Variants in CRYBG1 observed in about 807,000 individuals in gnomAD.
CRYBG1 encodes beta/gamma crystallin domain-containing protein 1.
In CRYBG1, 139 loss-of-function variants were observed where a neutral mutation model predicts 189.2. That is an observed-to-expected ratio of 0.73 (90% confidence interval 0.64 to 0.85). The LOEUF (loss-of-function observed/expected upper bound fraction) is 0.85. Ranked by LOEUF, CRYBG1 falls within the 40% of genes least tolerant of loss-of-function variation. The pLI is 0.00. For synonymous variants in CRYBG1, 1,023 were observed against 1,017.1 expected (o/e 1.01, Z -0.11); for missense variants, 2,611 against 2,675.8 (o/e 0.98, Z 0.53).
chr6:106,463,193 ATCT>A (rs1193141527), intron 2 of CRYBG1, among the ~76,000 whole-genome samples: 2 of 150,692 alleles, frequency 1.3e-5, no homozygotes, highest in African/African-American at 4.8e-5. Flanking sequence ...TTAGTATTAA[ATCT>A]TCTGTCCTGT....
Position 106,558,476 on chromosome 6 carries a change from T to C in CRYBG1, c.5716-10T>C, listed in dbSNP as rs1486949000. 2 of 1,570,756 alleles carry C rather than the reference T, an allele frequency of 1.3e-6. No individual in the cohort carries two copies. Among genetic ancestry groups the C allele is most frequent in the South Asian group, 1.2e-5 (1 of 86,734 alleles). On this transcript the variant is annotated splice_polypyrimidine_tract_variant and intron_variant, in intron 17 of 21. Coordinates refer to ENST00000633556, the MANE Select transcript of CRYBG1 (RefSeq NM_001371242.2). ...ATGAATAACAGAACATTGTTTTTGT[T>C]CCTCAACAGGAATTTTCTGAACCAA...
chr6:106,536,277 T>C (rs1774003131), intron 8 of CRYBG1, among the ~76,000 whole-genome samples: 1 of 152,252 alleles, frequency 6.6e-6, no homozygotes. Context: ...CATATATTTA[T>C]GTTGTATCAC....
intron 1 of CRYBG1, among the ~76,000 whole-genome samples, chr6:106,385,220 T>C (rs1227389118): frequency 1.3e-5 from 2 of 152,180 alleles, no homozygotes; most frequent in Admixed American, 1.3e-4. Context: ...CTTCTGTGTA[T>C]AAGAGAAACG....
At chr6:106,527,789 G>A (rs546296353) in intron 7 of CRYBG1, among the ~76,000 whole-genome samples, 1 of 152,114 alleles carries the variant, frequency 6.6e-6, no homozygotes, top group African/African-American at 2.4e-5. Context: ...TTTATTTAGT[G>A]TTTTTGTTTG....
chr6:106,469,025 C>T (rs1014953059), intron 2 of CRYBG1, among the ~76,000 whole-genome samples: 16 of 152,236 alleles, frequency 1.1e-4, no homozygotes, highest in African/African-American at 3.6e-4. Context: ...CGTTCCATTT[C>T]TCTGTGGTTT....
chr6:106,530,359 T>G (rs1773851570), intron 8 of CRYBG1, 44 bp downstream of exon 8: 2 of 1,580,758 alleles, frequency 1.3e-6, no homozygotes, highest in East Asian at 4.5e-5. Context: ...AGTTTTTTTG[T>G]GAGTGTAGTA....
At chr6:106,511,002 T>C (rs1307527405) in intron 2 of CRYBG1, among the ~76,000 whole-genome samples, 1 of 152,124 alleles carries the variant, frequency 6.6e-6, no homozygotes, top group African/African-American at 2.4e-5. Context: ...GAATGGGCGG[T>C]GTTTCGGGAA....
At chr6:106,499,812 T>G (rs980435268) in intron 2 of CRYBG1, among the ~76,000 whole-genome samples, 1 of 152,154 alleles carries the variant, frequency 6.6e-6, no homozygotes, top group East Asian at 1.9e-4. Flanking sequence ...TTGACCAACA[T>G]CTCTCCAAAC....
chr6:106,427,455 C>T (rs1771246998), intron 1 of CRYBG1, among the ~76,000 whole-genome samples: 1 of 152,108 alleles, frequency 6.6e-6, no homozygotes, highest in African/African-American at 2.4e-5. Context: ...CCTCTTACAC[C>T]CCACCTTCAT....
chr6:106,422,154 T>A (rs1771133748), intron 1 of CRYBG1, among the ~76,000 whole-genome samples: 1 of 152,066 alleles, frequency 6.6e-6, no homozygotes, highest in South Asian at 2.1e-4. Flanking sequence ...CTCTTCTCAT[T>A]AGAATTGGTG....
In CRYBG1 at chr6:106,543,594, G is replaced by C; in HGVS notation, c.5036G>C (p.Gly1679Ala). The C allele has an allele frequency of 1.2e-6, 2 of 1,613,182 alleles. No individual in the cohort carries two copies. The highest frequency in any genetic ancestry group is 4.5e-5 in the East Asian group (2 of 44,872). Residue 1679 changes from glycine (G) to alanine (A), a missense_variant, in exon 11 of 22, where the codon GGC (glycine) becomes GCC (alanine). Physicochemically the swap from Gly to Ala is moderately conservative, Grantham distance 60 (BLOSUM62 0). Transcript: ENST00000633556. ...GTGGGGTCTATGAAAGTTCTAAGAG[G>C]CATGTAAGTACATGGGTGACTTGTT... ...TSVGSMKVLR[G>A]IWVAYEKPGF...
At chr6:106,565,237 C>T (rs1774846426) in intron 21 of CRYBG1, among the ~76,000 whole-genome samples, 1 of 151,752 alleles carries the variant, frequency 6.6e-6, no homozygotes, top group Admixed American at 6.6e-5. Context: ...AGGAGAATCG[C>T]GTCAACCCGG....
chr6:106,468,964 C>A lies in CRYBG1; in HGVS notation c.312+17132C>A, dbSNP rs151179875. Among the ~76,000 whole-genome samples, 390 of 152,320 alleles carry A rather than the reference C, an allele frequency of 2.6e-3. 5 individuals are homozygous for A. Among genetic ancestry groups the A allele is most frequent in the African/African-American group, 8.7e-3 (360 of 41,568 alleles). On this transcript the variant is annotated intron_variant, in intron 2 of 21. Transcript: ENST00000633556. ...TTTTTACAGGATGAATCAGATCCAA[C>A]TACTCCTCTGCATGTAACTTTCCCA... is the stretch of plus-strand genomic sequence containing the variant.
chr6:106,562,115 A>G (rs1774736437), intron 20 of CRYBG1, among the ~76,000 whole-genome samples: 1 of 151,514 alleles, frequency 6.6e-6, no homozygotes, highest in South Asian at 2.1e-4. Context: ...TCTTTAAAAA[A>G]ACAAAACAAA....
intron 2 of CRYBG1, among the ~76,000 whole-genome samples, chr6:106,458,240 C>G (rs1771929436): frequency 6.6e-6 from 1 of 152,204 alleles, no homozygotes; most frequent in African/African-American, 2.4e-5. Context: ...ATCCTGATTG[C>G]ATTGTCAGAA....
rs71663353 is a variant in CRYBG1 at position 106,416,999 on chromosome 6, C to CTTTTTTTTTT, written c.174-34680_174-34671dup. Among the ~76,000 whole-genome samples the CTTTTTTTTTT allele has an allele frequency of 4.7e-4, 33 of 69,490 alleles. 2 individuals are homozygous for CTTTTTTTTTT. Among genetic ancestry groups the CTTTTTTTTTT allele is most frequent in the African/African-American group, 8.3e-4 (13 of 15,694 alleles). 45.6% of individuals were successfully genotyped at this position (69,490 alleles called of 152,430 possible). ...AGAACAAAGGCAATGATGGGATTTA[C>CTTTTTTTTTT]TTTTTTTTTTTTTTTTTTTTTTTTG... On this transcript the variant is annotated intron_variant, in intron 1 of 21. Transcript: ENST00000633556.
intron 8 of CRYBG1, among the ~76,000 whole-genome samples, chr6:106,534,835 G>C (rs1357744888): frequency 6.6e-6 from 1 of 152,040 alleles, no homozygotes; most frequent in Non-Finnish European, 1.5e-5. Context: ...AGGGGTGGAA[G>C]TGGGGGGTGG....
intron 2 of CRYBG1, among the ~76,000 whole-genome samples, chr6:106,495,415 A>G (rs1282981118): frequency 6.6e-6 from 1 of 152,204 alleles, no homozygotes; most frequent in African/African-American, 2.4e-5. Context: ...ACACTATGGT[A>G]AGAAACTAAC....
rs368948900 is a variant in CRYBG1 at position 106,560,940 on chromosome 6, C to T, written c.5979+14C>T. 4.3e-5 allele frequency: 68 copies of T among 1,590,118 alleles called. No homozygotes were observed. In the African/African-American group the frequency reaches 8.1e-4, roughly 19 times the overall value. On this transcript the variant is annotated intron_variant, in intron 19 of 21. Coordinates refer to ENST00000633556, the MANE Select transcript of CRYBG1 (RefSeq NM_001371242.2). ...CCTTTTGTTCAGGTATTTTCTTCCT[C>T]TCCATGCTCTGCATAGACTCTTCTC...
Sources: gnomAD v4.1 joint callset for allele counts (sites outside exome capture counted in the v4.1 genomes callset) on GRCh38, gnomAD v4.1.1 for gene constraint, MANE v1.5 for transcripts, NCBI Gene and HGNC (gene_info 2026-07-23, HGNC 2026-07-21) for gene names.